Variants in UNC93A observed in about 807,000 individuals in gnomAD.
UNC93A encodes the protein unc-93 homolog A.
Under a neutral mutation model 47.5 loss-of-function variants are expected in UNC93A, and 43 were observed. The ratio of observed to expected loss-of-function variants is 0.91; its 90% CI spans 0.71 to 1.17. The LOEUF (loss-of-function observed/expected upper bound fraction) is 1.17, where lower values mean the gene tolerates loss of function less well. Among genes scored for constraint, UNC93A ranks in the 50% most tolerant of loss-of-function variants. The probability of loss-of-function intolerance (pLI) is 0.00; values close to 1 mark genes in which losing one functional copy is unlikely to be tolerated. For synonymous variants in UNC93A, 280 were observed against 258.0 expected (o/e 1.09, Z -0.82); for missense variants, 605 against 577.6 (o/e 1.05, Z -0.49).
intron 1 of UNC93A, among the ~76,000 whole-genome samples, chr6:167,272,278 G>C (rs529573551): frequency 2.6e-5 from 4 of 152,324 alleles, no homozygotes; most frequent in Admixed American, 2.6e-4. Context: ...GAGAGGCCAG[G>C]AGCAGTGGCA....
upstream of UNC93A, among the ~76,000 whole-genome samples, chr6:167,289,809 G>C (rs1387109316): frequency 9.2e-5 from 14 of 151,728 alleles, no homozygotes; most frequent in Non-Finnish European, 1.5e-5. Context: ...CTAAAGTGTT[G>C]CCAAAAAATA....
At chr6:167,300,857 A>G (rs550657722) in intron 4 of UNC93A, among the ~76,000 whole-genome samples, 11 of 152,254 alleles carry the variant, frequency 7.2e-5, no homozygotes, top group South Asian at 2.1e-4. Flanking sequence ...ACCAACAAAG[A>G]CTTCTCCTAT....
rs901620349 is a variant in UNC93A, at chr6:167,274,319, A to G, written c.-52+2861A>G. On this transcript the variant is annotated intron_variant, in intron 1 of 3. Coordinates refer to the UNC93A transcript ENST00000503433. ...GACTTATGTTCTTGACCCTCCTTCC[A>G]TCTGGTGGTACATTCAGGCTAATGG... Among the ~76,000 whole-genome samples, 25 of 152,280 alleles carry G rather than the reference A, an allele frequency of 1.6e-4. No individual in the cohort carries two copies. The South Asian group carries it at 1.7e-3, about 10-fold the overall frequency.
chr6:167,296,260 A>C lies in UNC93A; in HGVS notation c.498A>C (p.Gln166His). ...TGGTATTTGGCCAGACTCCCAGCCA[A>C]GGTAAAAGGAAAAGGGGCAAGCAAT... Reference protein sequence around the residue: ...SSLVFGQTPSQETLPEEQLTS... With the variant: ...SSLVFGQTPSHETLPEEQLTS... The change falls in exon 3 of 8, where the codon CAA becomes CAC. Residue 166 changes from glutamine (Q) to histidine (H), a missense_variant and splice_region_variant. Coordinates refer to ENST00000230256, the MANE Select transcript of UNC93A (RefSeq NM_018974.4). 6.2e-7 allele frequency: 1 copy of C among 1,614,136 alleles called. No individual in the cohort carries two copies. Among genetic ancestry groups the C allele is most frequent in the Non-Finnish European group, 8.5e-7 (1 of 1,179,990 alleles).
intron 5 of UNC93A, 55 bp from the exon 6 acceptor site, chr6:167,305,860 T>C (rs1778370848): frequency 3.1e-6 from 5 of 1,611,278 alleles, no homozygotes; most frequent in Non-Finnish European, 4.2e-6. Context: ...AGCTTTAGCT[T>C]GAGCACGGGA....
chr6:167,289,335 T>C (rs1184730257), upstream of UNC93A, among the ~76,000 whole-genome samples: 1 of 152,110 alleles, frequency 6.6e-6, no homozygotes, highest in African/African-American at 2.4e-5. Flanking sequence ...CTGGGAATTA[T>C]CTCCTCTAAG....
At chr6:167,299,884 A>G (rs1156482359) in intron 4 of UNC93A, among the ~76,000 whole-genome samples, 3 of 152,208 alleles carry the variant, frequency 2.0e-5, no homozygotes, top group Non-Finnish European at 4.4e-5. Flanking sequence ...GGACGAGTGC[A>G]GACTTGCCTT....
intron 1 of UNC93A, among the ~76,000 whole-genome samples, chr6:167,292,699 T>A (rs1360367330): frequency 2.0e-5 from 3 of 152,176 alleles, no homozygotes; most frequent in Non-Finnish European, 2.9e-5. Context: ...GAACTTTGTG[T>A]TGTTGTCACA....
intron 7 of UNC93A, among the ~76,000 whole-genome samples, chr6:167,310,461 A>G (rs1778526842): frequency 6.6e-6 from 1 of 152,294 alleles, no homozygotes; most frequent in Admixed American, 6.5e-5. Flanking sequence ...CCTAAGGTCA[A>G]ACAAAGAGTA....
At chr6:167,277,163 T>C (rs1019290978) in intron 1 of UNC93A, among the ~76,000 whole-genome samples, 2 of 152,252 alleles carry the variant, frequency 1.3e-5, no homozygotes, top group Non-Finnish European at 1.5e-5. Flanking sequence ...TTGCACCTTG[T>C]TGACTGGTCA....
intron 7 of UNC93A, among the ~76,000 whole-genome samples, chr6:167,313,504 G>A (rs929702732): frequency 9.9e-5 from 15 of 151,960 alleles, no homozygotes; most frequent in Non-Finnish European, 1.8e-4. Context: ...GGGAGATGGT[G>A]GGGGGGCTGG....
chr6:167,312,645 G>T (rs1385536905), intron 7 of UNC93A, among the ~76,000 whole-genome samples: 17 of 152,152 alleles, frequency 1.1e-4, no homozygotes, highest in Non-Finnish European at 1.5e-5. Context: ...CCAGAAGCCT[G>T]GTTCCCACTA....
intron 1 of UNC93A, among the ~76,000 whole-genome samples, chr6:167,275,823 T>G (rs956440041): frequency 1.3e-5 from 2 of 152,230 alleles, no homozygotes; most frequent in African/African-American, 2.4e-5. Flanking sequence ...GTCTTTTGAT[T>G]GGACCTGAGC....
chr6:167,298,514 G>T (rs1401847869), intron 4 of UNC93A, among the ~76,000 whole-genome samples: 1 of 149,628 alleles, frequency 6.7e-6, no homozygotes. Flanking sequence ...ATCCATAATT[G>T]CTATAAGCCA....
chr6:167,286,902 C>T (rs113167778), upstream of UNC93A, among the ~76,000 whole-genome samples: 2,878 of 147,268 alleles, frequency 0.02, 104 homozygotes, highest in African/African-American at 0.068. Flanking sequence ...TGCTTGAACC[C>T]GGGAGGCGGA....
intron 7 of UNC93A, among the ~76,000 whole-genome samples, chr6:167,309,060 C>A (rs1161828750): frequency 1.3e-5 from 2 of 152,034 alleles, no homozygotes; most frequent in African/African-American, 4.8e-5. Flanking sequence ...ACTAGAGAGG[C>A]CTGAGGGCAA....
chr6:167,311,388 A>G (rs1231160547), intron 7 of UNC93A, among the ~76,000 whole-genome samples: 1 of 152,164 alleles, frequency 6.6e-6, no homozygotes, highest in Non-Finnish European at 1.5e-5. Flanking sequence ...GGCTCCAGCC[A>G]TCCCCTGGCC....
In UNC93A at chr6:167,297,978, G is replaced by T; in HGVS notation, c.533G>T (p.Gly178Val). ...CCAGAAGAGCAGCTCACGTCCTGTG[G>T]GGCCAGTGACTGCCTGATGGCCACC... ...TLPEEQLTSC[G>V]ASDCLMATTT... Residue 178 changes from glycine (G) to valine (V), a missense_variant, in exon 4 of 8, where the codon GGG becomes GTG. Transcript: ENST00000230256. The T allele has an allele frequency of 1.9e-6, 3 of 1,614,000 alleles. No individual in the cohort carries two copies. Among genetic ancestry groups the T allele is most frequent in the Non-Finnish European group, 2.5e-6 (3 of 1,179,996 alleles).
chr6:167,312,699 A>C (rs1778594020), intron 7 of UNC93A, among the ~76,000 whole-genome samples: 1 of 152,238 alleles, frequency 6.6e-6, no homozygotes, highest in Non-Finnish European at 1.5e-5. Context: ...ACATGTGTAC[A>C]GTCATTTCAG....
Sources: allele counts gnomAD v4.1 joint callset (sites outside exome capture counted in the v4.1 genomes callset), GRCh38; gene constraint gnomAD v4.1.1; transcripts MANE v1.5; gene names NCBI Gene and HGNC (gene_info 2026-07-23, HGNC 2026-07-21).